Variants in ZNG1A observed in about 807,000 individuals in gnomAD.
ZNG1A encodes Zn regulated GTPase metalloprotein activator 1A.
chr9:176,905 A>T, the ZNG1A span, among the ~76,000 whole-genome samples: 1 of 152,140 alleles, frequency 6.6e-6, no homozygotes, highest in East Asian at 1.9e-4. Context: ...TTACAAATTT[A>T]TGCTGGGCCT....
the ZNG1A span, chr9:151,406 C>G: frequency 1.0e-6 from 1 of 962,454 alleles, no homozygotes; most frequent in African/African-American, 2.1e-5. Flanking sequence ...CTGCCTGTTG[C>G]TGAGTCTATT....
chr9:172,521 T>C, the ZNG1A span: 1 of 187,206 alleles, frequency 5.3e-6, no homozygotes, highest in South Asian at 1.1e-4. Flanking sequence ...TAGTTTAATA[T>C]AATAGCTAAA....
the ZNG1A span, among the ~76,000 whole-genome samples, chr9:127,038 C>G: frequency 2.6e-5 from 4 of 152,216 alleles, no homozygotes; most frequent in South Asian, 6.2e-4. Context: ...TGTGGTCTGA[C>G]AGAGTGCTTG....
At chr9:155,772 A>T in the ZNG1A span, among the ~76,000 whole-genome samples, 3 of 151,814 alleles carry the variant, frequency 2.0e-5, no homozygotes, top group African/African-American at 7.3e-5. Context: ...TATATTTTCT[A>T]TAATAACCAT....
the ZNG1A span, among the ~76,000 whole-genome samples, chr9:127,358 C>T: frequency 0.49 from 73,980 of 149,900 alleles, 18,662 homozygotes; most frequent in East Asian, 0.75. Flanking sequence ...AATTTGGGAG[C>T]TCCAGTGTTA....
At chr9:177,810 C>A in the ZNG1A span, 2 of 1,477,268 alleles carry the variant, frequency 1.4e-6, no homozygotes, top group African/African-American at 2.9e-5. Flanking sequence ...AGCAGAGCAG[C>A]CTCTGAATAA....
chr9:169,649 C>A, the ZNG1A span, among the ~76,000 whole-genome samples: 1 of 148,646 alleles, frequency 6.7e-6, no homozygotes, highest in Non-Finnish European at 1.5e-5. Context: ...CGATAGCCAC[C>A]CCAACCTTCA....
the ZNG1A span, among the ~76,000 whole-genome samples, chr9:159,016 T>C: frequency 6.6e-6 from 1 of 152,098 alleles, no homozygotes. Context: ...TTAAGTCAGA[T>C]GACTTTCATT....
the ZNG1A span, chr9:171,828 T>C: frequency 2.0e-6 from 1 of 503,564 alleles, no homozygotes. Flanking sequence ...CTTCTGTTCT[T>C]ACAAATAATC....
the ZNG1A span, among the ~76,000 whole-genome samples, chr9:141,232 A>C: frequency 2.3e-5 from 3 of 130,314 alleles, no homozygotes; most frequent in Admixed American, 2.4e-4. Flanking sequence ...TCCAAGACAC[A>C]TAATTGTCAG....
chr9:127,552 CTTAAGT>C, the ZNG1A span, among the ~76,000 whole-genome samples: 1 of 152,190 alleles, frequency 6.6e-6, no homozygotes, highest in Non-Finnish European at 1.5e-5. Flanking sequence ...ATCCCTTTAC[CTTAAGT>C]TTATGTGAGT....
chr9:131,177 G>C, the ZNG1A span, among the ~76,000 whole-genome samples: 1 of 133,658 alleles, frequency 7.5e-6, no homozygotes, highest in African/African-American at 3.1e-5. Flanking sequence ...ACCCATTTCA[G>C]ACTTTTTTTT....
chr9:140,622 G>A, the ZNG1A span, among the ~76,000 whole-genome samples: 129 of 144,500 alleles, frequency 8.9e-4, no homozygotes, highest in African/African-American at 3.4e-3. Flanking sequence ...CTCCTCCAAA[G>A]GAACGCAGCG....
chr9:157,908 T>A, the ZNG1A span, among the ~76,000 whole-genome samples: 1 of 151,788 alleles, frequency 6.6e-6, no homozygotes, highest in East Asian at 1.9e-4. Context: ...GAAACATTTT[T>A]TCCTTCTAAA....
At chr9:128,923 T>A in the ZNG1A span, among the ~76,000 whole-genome samples, 1 of 151,780 alleles carries the variant, frequency 6.6e-6, no homozygotes, top group Non-Finnish European at 1.5e-5. Context: ...TCCTGAGAGC[T>A]GAGCTGTAGT....
the ZNG1A span, among the ~76,000 whole-genome samples, chr9:156,224 A>G: frequency 4.7e-5 from 7 of 149,480 alleles, no homozygotes; most frequent in African/African-American, 7.3e-5. Flanking sequence ...TTAAATGTTA[A>G]TATTTCCCGA....
At chr9:150,633 G>A in the ZNG1A span, 1 of 982,706 alleles carries the variant, frequency 1.0e-6, no homozygotes, top group South Asian at 4.8e-5. Flanking sequence ...GCACTGGCAA[G>A]CACCATACAC....
chr9:130,021 T>G, the ZNG1A span, among the ~76,000 whole-genome samples: 5 of 150,336 alleles, frequency 3.3e-5, no homozygotes, highest in African/African-American at 1.3e-4. Flanking sequence ...TACTGAACAG[T>G]GTATGGAAAT....
At chr9:165,110 G>A in the ZNG1A span, among the ~76,000 whole-genome samples, 2 of 152,168 alleles carry the variant, frequency 1.3e-5, no homozygotes, top group African/African-American at 4.8e-5. Flanking sequence ...ACTTAGAACT[G>A]GAGCGTGTCA....
Sources: allele counts gnomAD v4.1 joint callset (sites outside exome capture counted in the v4.1 genomes callset), GRCh38; gene constraint gnomAD v4.1.1; transcripts MANE v1.5; gene names NCBI Gene and HGNC (gene_info 2026-07-23, HGNC 2026-07-21).